Variants in PLEKHG4B observed in about 807,000 individuals in gnomAD.
The protein encoded by PLEKHG4B is pleckstrin homology domain-containing family G member 4B.
PLEKHG4B carries 111 observed loss-of-function variants against 121.3 expected under a neutral mutation model. The observed-to-expected ratio is 0.92, with a 90% confidence interval of 0.78 to 1.07. The LOEUF (loss-of-function observed/expected upper bound fraction) is 1.07, where lower values mean the gene tolerates loss of function less well. Ranked by LOEUF, PLEKHG4B falls within the 50% of genes least tolerant of loss-of-function variation. The pLI is 0.00. For missense variants in PLEKHG4B, 1,831 were observed against 1,757.8 expected (o/e 1.04, Z -0.74); for synonymous variants, 738 against 725.0 (o/e 1.02, Z -0.29).
At chr5:135,677 AAAAAAAT>A (rs1374248794) in intron 2 of PLEKHG4B, among the ~76,000 whole-genome samples, 23 of 72,514 alleles carry the variant, frequency 3.2e-4, no homozygotes, top group Admixed American at 4.7e-4. Context: ...AAAAAAAAAA[AAAAAAAT>A]ATATATATAT....
In PLEKHG4B at chr5:184,655, C is replaced by T. The variant is rs1733556214; in HGVS notation, c.*2332C>T. 6.6e-6 allele frequency: 1 copy of T among 152,242 alleles called. No homozygotes were observed. 9.4% of individuals were successfully genotyped at this position (152,242 alleles called of 1,614,324 possible). On this transcript the variant is annotated 3_prime_UTR_variant, in exon 20 of 20. Transcript: ENST00000637938. ...TATTTAAATCCCTTTAGCCCATCTC[C>T]CATTTGCCCCAAGGAATGAGTGCTG...
chr5:112,666 C>G (rs1332467630), intron 1 of PLEKHG4B, among the ~76,000 whole-genome samples: 1 of 152,182 alleles, frequency 6.6e-6, no homozygotes, highest in Admixed American at 6.5e-5. Context: ...GGAGGGCACC[C>G]TAAGGTTTTC....
At chr5:99,515 C>A (rs969402185) in intron 1 of PLEKHG4B, among the ~76,000 whole-genome samples, 1 of 151,992 alleles carries the variant, frequency 6.6e-6, no homozygotes, top group South Asian at 2.1e-4. Flanking sequence ...TGAATGGAAT[C>A]ATTTTCTTAA....
At chr5:146,812 C>T (rs577735023) in intron 6 of PLEKHG4B, among the ~76,000 whole-genome samples, 10 of 150,668 alleles carry the variant, frequency 6.6e-5, no homozygotes, top group African/African-American at 2.2e-4. Flanking sequence ...CCCCTTGCAT[C>T]GAGCCTGCCT....
At chr5:165,842 C>T (rs71583035) in intron 13 of PLEKHG4B, among the ~76,000 whole-genome samples, 1 of 11,456 alleles carries the variant, frequency 8.7e-5, no homozygotes, top group African/African-American at 3.3e-4. Flanking sequence ...TCTGACGGGG[C>T]GGGGCTCACA....
rs1241872897 is a variant in PLEKHG4B, at chr5:139,745, G to A, written c.506G>A (p.Arg169Gln). The A allele has an allele frequency of 7.5e-6, 3 of 398,882 alleles. No homozygotes were observed. The highest frequency in any genetic ancestry group is 4.1e-5 in the African/African-American group (2 of 48,592). The allele number at this position is 398,882 out of a possible 1,614,324, so 24.7% of individuals were successfully genotyped here. ...FTGAFLEWVN[R>Q]ERRHVPLQTC... ...GGGGCGTTCCTGGAGTGGGTGAACC[G>A]GGAGCGGCGCCATGTCCCCCTGCAA... Residue 169 changes from arginine to glutamine, a missense_variant, in exon 3 of 20, where the codon CGG (arginine) becomes CAG (glutamine). Transcript: ENST00000637938. The surrounding 1 kb of genome is among the most constrained non-coding windows in gnomAD (Gnocchi z 5.0).
intron 2 of PLEKHG4B, among the ~76,000 whole-genome samples, chr5:116,501 C>T (rs1435873351): frequency 6.6e-6 from 1 of 152,198 alleles, no homozygotes; most frequent in Admixed American, 6.5e-5. Flanking sequence ...CACAGTAAAA[C>T]AAGATATGTC....
At position 182,419 on chromosome 5, in the gene PLEKHG4B, G is replaced by A. The variant is rs1418926476; in HGVS notation, c.*96G>A. ...GACTCTGGGGGTGGCGGTGCCCATC[G>A]CGTGGCTGGAACGATCCAGAGGGAA... On this transcript the variant is annotated 3_prime_UTR_variant, in exon 20 of 20. Transcript: ENST00000637938. 2.1e-5 allele frequency: 27 copies of A among 1,311,192 alleles called. No individual in the cohort carries two copies. The highest frequency in any genetic ancestry group is 1.2e-4 in the African/African-American group (8 of 68,508). 81.2% of individuals were successfully genotyped at this position (1,311,192 alleles called of 1,614,324 possible).
chr5:102,729 C>T (rs1733859039), intron 1 of PLEKHG4B, among the ~76,000 whole-genome samples: 1 of 152,198 alleles, frequency 6.6e-6, no homozygotes, highest in Non-Finnish European at 1.5e-5. Flanking sequence ...TCTCGAGTAT[C>T]TCTTTATAGC....
chr5:135,021 C>T (rs582074), intron 2 of PLEKHG4B, among the ~76,000 whole-genome samples: 1 of 151,446 alleles, frequency 6.6e-6, no homozygotes, highest in Non-Finnish European at 1.5e-5. Flanking sequence ...AACCCTATCT[C>T]TACTAAAAAT....
chr5:150,199 C>T (rs1293800927), intron 6 of PLEKHG4B, among the ~76,000 whole-genome samples: 2 of 152,208 alleles, frequency 1.3e-5, no homozygotes, highest in Non-Finnish European at 2.9e-5. Context: ...GAAGGAAATT[C>T]TGACATATGC....
chr5:169,463 T>G lies in PLEKHG4B; in HGVS notation c.3600T>G (p.Leu1200=). The G allele has an allele frequency of 2.5e-6, 4 of 1,614,212 alleles. No individual in the cohort carries two copies. In the South Asian group the frequency reaches 3.3e-5, roughly 13 times the overall value. ...AAAGAATGGACTTGCCCCAGGGCCT[T>G]CGAGGGAAGCACCACGTTATTTTCG... is the stretch of plus-strand genomic sequence containing the variant. The part of the protein sequence containing the change: ...EMERMDLPQG[L]RGKHHVIFGN... The change falls in exon 14 of 20, where the codon CTT becomes CTG. Residue 1200 remains leucine, a synonymous_variant. Transcript: ENST00000637938.
intron 1 of PLEKHG4B, among the ~76,000 whole-genome samples, chr5:110,547 T>C (rs1334541505): frequency 1.5e-5 from 2 of 131,792 alleles, no homozygotes; most frequent in Non-Finnish European, 3.1e-5. Flanking sequence ...GCAACACACG[T>C]GCACACACCC....
chr5:128,502 C>CT lies in PLEKHG4B; in HGVS notation c.244-10975dup, dbSNP rs767482274. 1.2e-3 allele frequency among the ~76,000 whole-genome samples: 188 copies of CT among 152,246 alleles called. 2 individuals carry two copies. Among genetic ancestry groups the CT allele is most frequent in the Middle Eastern group, 3.4e-3 (1 of 294 alleles). On this transcript the variant is annotated intron_variant, in intron 2 of 19. Transcript: ENST00000637938. ...ACTGTATTTGGATGACAGGGGTTTTCTTTTTTGTTTCTTGGGGTTTTTTGG... is the reference window on the plus strand; with the variant it reads ...ACTGTATTTGGATGACAGGGGTTTTCTTTTTTTGTTTCTTGGGGTTTTTTGG...
At chr5:161,243 C>T (rs1192852830) in intron 11 of PLEKHG4B, among the ~76,000 whole-genome samples, 1 of 152,254 alleles carries the variant, frequency 6.6e-6, no homozygotes, top group African/African-American at 2.4e-5. Flanking sequence ...CCATCTTTCC[C>T]AGGCAGCCTC....
chr5:155,615 C>T (rs535670510), intron 9 of PLEKHG4B, among the ~76,000 whole-genome samples, 172 bp downstream of exon 9: 3 of 152,378 alleles, frequency 2.0e-5, no homozygotes, highest in Non-Finnish European at 4.4e-5. Context: ...ATTTCCTCCC[C>T]TTTGTCACCA....
rs555234545 is a variant in PLEKHG4B at position 162,602 on chromosome 5, C to T, written c.2650-120C>T. The T allele has an allele frequency of 1.5e-4, 110 of 719,268 alleles. No individual in the cohort carries two copies. In the East Asian group the frequency reaches 1.6e-3, roughly 11 times the overall value. 44.6% of individuals were successfully genotyped at this position (719,268 alleles called of 1,614,324 possible). On this transcript the variant is annotated intron_variant, in intron 12 of 19. Transcript: ENST00000637938. ...CCCACTGGGTGGCGGGACTGCCTCT[C>T]GCTCTGCTTTCTGGCCCCCTGGTCC...
rs1735041968 is a variant in PLEKHG4B at position 138,249 on chromosome 5, G to T, written c.244-1234G>T. 3.3e-5 allele frequency among the ~76,000 whole-genome samples: 5 copies of T among 152,302 alleles called. No individual in the cohort carries two copies. The South Asian group carries it at 1.0e-3, about 32-fold the overall frequency. ...CTGTTCAGGTTATTTTCTGAAATGA[G>T]GGTGTAACTTTACATTCTTTAAGTC... On this transcript the variant is annotated intron_variant, in intron 2 of 19. Coordinates refer to ENST00000637938, the MANE Select transcript of PLEKHG4B (RefSeq NM_052909.5).
chr5:172,076 A>G (rs1036084506), intron 16 of PLEKHG4B, among the ~76,000 whole-genome samples: 3 of 152,192 alleles, frequency 2.0e-5, no homozygotes, highest in African/African-American at 7.2e-5. Flanking sequence ...TGACACCCCA[A>G]TGGCAGAGCA....
Sources: gnomAD v4.1 joint callset for allele counts (sites outside exome capture counted in the v4.1 genomes callset) on GRCh38, gnomAD v4.1.1 for gene constraint, Gnocchi (gnomAD v3.1) non-coding constraint, MANE v1.5 for transcripts, NCBI Gene and HGNC (gene_info 2026-07-23, HGNC 2026-07-21) for gene names.